Variants in RGMA observed in about 807,000 individuals in gnomAD.
RGMA encodes repulsive guidance molecule A.
A neutral mutation model predicts 23.2 loss-of-function variants in RGMA; 10 were observed. The observed-to-expected ratio is 0.43, with a 90% CI of 0.27 to 0.73. The LOEUF is 0.73. RGMA is among the 30% of genes least tolerant of loss of function. The pLI, the probability that RGMA is intolerant of heterozygous loss-of-function variation, is 0.20. For missense variants in RGMA, 547 were observed against 630.5 expected (o/e 0.87, Z 1.42); for synonymous variants, 308 against 279.3 (o/e 1.10, Z -1.03).
chr15:93,050,235 G>A (rs1281302380), intron 3 of RGMA, among the ~76,000 whole-genome samples: 2 of 152,222 alleles, frequency 1.3e-5, no homozygotes, highest in African/African-American at 4.8e-5. Context: ...TGGCACAGAT[G>A]CAACGTCTGT....
chr15:93,079,626 C>T (rs895222846), intron 1 of RGMA, among the ~76,000 whole-genome samples: 6 of 152,184 alleles, frequency 3.9e-5, no homozygotes, highest in Non-Finnish European at 1.5e-5. Context: ...TTGAGACCAG[C>T]CTGGCCAATG....
At chr15:93,082,905 C>T (rs1321074457) in intron 1 of RGMA, among the ~76,000 whole-genome samples, 1 of 152,242 alleles carries the variant, frequency 6.6e-6, no homozygotes, top group Non-Finnish European at 1.5e-5. Flanking sequence ...TCCACAGTAT[C>T]AGTTCATTGG....
chr15:93,073,171 G>T, intron 1 of RGMA, 140 bp from the exon 2 acceptor site: 3 of 1,191,104 alleles, frequency 2.5e-6, no homozygotes, highest in Non-Finnish European at 3.1e-6. Context: ...CCCTTCCCGC[G>T]CCGCCCCCCG....
intron 2 of RGMA, among the ~76,000 whole-genome samples, chr15:93,067,925 G>C (rs1430160732): frequency 6.6e-6 from 1 of 152,088 alleles, no homozygotes; most frequent in African/African-American, 2.4e-5. Context: ...GGTGACAGAG[G>C]GAACAGGCAG....
chr15:93,056,359 T>C (rs1047989457), intron 2 of RGMA, among the ~76,000 whole-genome samples: 1 of 152,002 alleles, frequency 6.6e-6, no homozygotes, highest in East Asian at 1.9e-4. Context: ...ACAGCAGGGA[T>C]GCGGCCACCT....
chr15:93,070,509 T>C (rs959519593), intron 2 of RGMA, among the ~76,000 whole-genome samples: 1 of 152,236 alleles, frequency 6.6e-6, no homozygotes, highest in African/African-American at 2.4e-5. Flanking sequence ...ACTTCATTCC[T>C]AAGCGGCCCC....
intron 1 of RGMA, among the ~76,000 whole-genome samples, chr15:93,074,635 A>G (rs576156074): frequency 6.6e-6 from 1 of 152,310 alleles, no homozygotes; most frequent in South Asian, 2.1e-4. Flanking sequence ...CCCCCAAACC[A>G]GGGTTCATTT....
At chr15:93,048,159 G>GC (rs1013940321) in intron 3 of RGMA, among the ~76,000 whole-genome samples, 2 of 152,192 alleles carry the variant, frequency 1.3e-5, no homozygotes, top group African/African-American at 4.8e-5. Flanking sequence ...CACTAGAGGT[G>GC]CCCCTGGCCG....
intron 2 of RGMA, among the ~76,000 whole-genome samples, chr15:93,064,980 A>ATTT (rs200573689): frequency 6.9e-6 from 1 of 144,144 alleles, no homozygotes; most frequent in Non-Finnish European, 1.5e-5. Flanking sequence ...CCACATGGTA[A>ATTT]TTTTTTTTTT....
At chr15:93,051,606 TG>T (rs1356976541) in intron 3 of RGMA, among the ~76,000 whole-genome samples, 1 of 152,200 alleles carries the variant, frequency 6.6e-6, no homozygotes, top group Non-Finnish European at 1.5e-5. Flanking sequence ...GAGGCCTCCT[TG>T]GGTTTGAAAA....
intron 2 of RGMA, chr15:93,065,960 G>A: frequency 1.1e-6 from 1 of 889,926 alleles, no homozygotes; most frequent in South Asian, 1.5e-5. Flanking sequence ...AAGGGTGGGG[G>A]GCGCCGTCGT....
rs2054937464 is a variant in RGMA at position 93,052,296 on chromosome 15, G to T, written c.342C>A (p.Asn114Lys). 6.2e-7 allele frequency: 1 copy of T among 1,604,648 alleles called. No individual in the cohort carries two copies. Among genetic ancestry groups the T allele is most frequent in the Non-Finnish European group, 8.5e-7 (1 of 1,177,792 alleles). The change falls in exon 3 of 4, where the codon AAC (asparagine) becomes AAA (lysine). Residue 114 changes from asparagine (N) to lysine (K), a missense_variant. Coordinates refer to ENST00000329082, the MANE Select transcript of RGMA (RefSeq NM_020211.3). Reference sequence around the variant, plus strand: ...GCGAGGTGGGGCCATCCTTGGAGCAGTTGTGCTGGCTCATGAGGTCCTCTA... The same window carrying T: ...GCGAGGTGGGGCCATCCTTGGAGCATTTGTGCTGGCTCATGAGGTCCTCTA... ...HGIEDLMSQH[N>K]CSKDGPTSQP...
chr15:93,058,599 T>C (rs767984477), intron 2 of RGMA, among the ~76,000 whole-genome samples: 1 of 152,214 alleles, frequency 6.6e-6, no homozygotes, highest in Admixed American at 6.5e-5. Context: ...GCCCTTAATA[T>C]AGACCCAGGA....
At chr15:93,083,392 A>G (rs1482902610) in intron 1 of RGMA, among the ~76,000 whole-genome samples, 1 of 152,106 alleles carries the variant, frequency 6.6e-6, no homozygotes, top group Non-Finnish European at 1.5e-5. Context: ...TAATGGCATG[A>G]TCATAGCTCA....
chr15:93,054,048 G>T (rs1369636685), intron 2 of RGMA, among the ~76,000 whole-genome samples: 2 of 152,036 alleles, frequency 1.3e-5, no homozygotes, highest in Non-Finnish European at 2.9e-5. Flanking sequence ...TGGCCAACAT[G>T]ATGAAACCCC....
Position 93,036,293 on chromosome 15 carries a change from A to C in RGMA, c.*8705T>G, listed in dbSNP as rs1356476213. 11 of 152,282 alleles carry C rather than the reference A, an allele frequency of 7.2e-5. No homozygotes were observed. The allele number at this position is 152,282 out of a possible 1,614,324, so 9.4% of individuals were successfully genotyped here. A position where few individuals can be genotyped will look rare whatever the true frequency, so the allele number is the denominator to read the frequency against. ...CGACCAGCCACATCGGGGGTGGCCT[A>C]CAAATGTTTGTGCCAGGAAGGAAGG... On this transcript the variant is annotated 3_prime_UTR_variant, in exon 4 of 4. Transcript: ENST00000329082.
At chr15:93,082,045 T>A (rs1391696384) in intron 1 of RGMA, among the ~76,000 whole-genome samples, 1 of 152,242 alleles carries the variant, frequency 6.6e-6, no homozygotes, top group African/African-American at 2.4e-5. Context: ...TAGGGATATA[T>A]TTGCAGATCT....
At chr15:93,065,787 G>T in intron 2 of RGMA, 1 of 1,037,630 alleles carries the variant, frequency 9.6e-7, no homozygotes, top group Non-Finnish European at 1.5e-6. Flanking sequence ...TGGTAGGCTG[G>T]CTGGGGTGGT....
chr15:93,073,392 C>A (rs1309451887), intron 1 of RGMA, among the ~76,000 whole-genome samples: 1 of 152,134 alleles, frequency 6.6e-6, no homozygotes, highest in East Asian at 1.9e-4. Flanking sequence ...GAGGGCGCGC[C>A]ACGCTCCCCG....
Sources: allele counts gnomAD v4.1 joint callset (sites outside exome capture counted in the v4.1 genomes callset), GRCh38; gene constraint gnomAD v4.1.1; transcripts MANE v1.5; gene names NCBI Gene and HGNC (gene_info 2026-07-23, HGNC 2026-07-21).